Variants in TTC28 observed in about 807,000 individuals in gnomAD.
TTC28 encodes the protein tetratricopeptide repeat protein 28.
TTC28 carries 61 observed loss-of-function variants against 198.0 expected under a neutral mutation model. The ratio of observed to expected loss-of-function variants is 0.31; its 90% confidence interval spans 0.25 to 0.38. The LOEUF (loss-of-function observed/expected upper bound fraction) is 0.38, where lower values mean the gene tolerates loss of function less well. TTC28 is among the 10% of genes least tolerant of loss of function. The pLI is 1.00. For synonymous variants in TTC28, 1,171 were observed against 1,297.8 expected, an observed-to-expected ratio of 0.90 and a Z score of 2.10; for missense variants, 2,678 against 3,164.0, an observed-to-expected ratio of 0.85 and a Z score of 3.69.
chr22:28,149,854 T>C (rs910008817), intron 6 of TTC28, among the ~76,000 whole-genome samples: 8 of 152,222 alleles, frequency 5.3e-5, no homozygotes, highest in East Asian at 1.9e-4. Flanking sequence ...CTGTAGTTAA[T>C]AATGTATATT....
At position 27,981,229 on chromosome 22, in the gene TTC28, A is replaced by ATTTTTTTTTTTTTTTTT. The variant is rs1937001603; in HGVS notation, c.*991_*992insAAAAAAAAAAAAAAAAA. The ATTTTTTTTTTTTTTTTT allele has an allele frequency of 4.1e-5, 3 of 72,686 alleles. 1 individual carries two copies. Among genetic ancestry groups the ATTTTTTTTTTTTTTTTT allele is most frequent in the African/African-American group, 1.5e-4 (3 of 20,420 alleles). The allele number at this position is 72,686 out of a possible 1,614,324, so 4.5% of individuals were successfully genotyped here. On this transcript the variant is annotated 3_prime_UTR_variant, in exon 23 of 23. Transcript: ENST00000397906. ...CTGGTTAAATCTAGTTAGCCATGGA[A>ATTTTTTTTTTTTTTTTT]ATTTTTTTTTTTTTTTTTTTTTTTT... is the stretch of plus-strand genomic sequence containing the variant.
intron 2 of TTC28, among the ~76,000 whole-genome samples, chr22:28,358,449 A>G (rs1449549905): frequency 6.6e-6 from 1 of 152,172 alleles, no homozygotes; most frequent in Non-Finnish European, 1.5e-5. Context: ...TGGGTTTACA[A>G]TTTCTAAATG....
At chr22:28,039,220 C>T (rs368115020) in intron 12 of TTC28, among the ~76,000 whole-genome samples, 9 of 152,224 alleles carry the variant, frequency 5.9e-5, no homozygotes, top group South Asian at 4.1e-4. Flanking sequence ...CACATGCACA[C>T]GTATGTTTAT....
In TTC28 at chr22:28,094,762, T is replaced by C. The variant is rs1601612950; in HGVS notation, c.3767-517A>G. Among the ~76,000 whole-genome samples, 4 of 152,236 alleles carry C rather than the reference T, an allele frequency of 2.6e-5. No homozygotes were observed. The South Asian group carries it at 8.3e-4, about 32-fold the overall frequency. The stretch of plus-strand genomic sequence containing the variant: ...TAAACCATTTTTAAATAAGACTAAC[T>C]GGTCAATGGTCATTAATGAATTAAA... On this transcript the variant is annotated intron_variant, in intron 11 of 22. Transcript: ENST00000397906.
In TTC28 at chr22:28,249,788, C is replaced by T. The variant is rs555843046; in HGVS notation, c.933+46410G>A. On this transcript the variant is annotated intron_variant, in intron 5 of 22. Transcript: ENST00000397906. ...GCAAAATGAGAGGATGGATGTGTTT[C>T]CAGCTCAGGAAACTTAATAAAAATT... Among the ~76,000 whole-genome samples the T allele has an allele frequency of 3.9e-5, 6 of 152,288 alleles. No individual in the cohort carries two copies. In the East Asian group the frequency reaches 1.2e-3, roughly 29 times the overall value.
chr22:28,369,148 C>T (rs1303133306), intron 2 of TTC28, among the ~76,000 whole-genome samples: 2 of 152,018 alleles, frequency 1.3e-5, no homozygotes, highest in African/African-American at 2.4e-5. Context: ...GCAAAAAGAA[C>T]AAAACTGAAG....
intron 5 of TTC28, among the ~76,000 whole-genome samples, chr22:28,217,326 T>C (rs1447271243): frequency 1.3e-5 from 2 of 152,148 alleles, no homozygotes; most frequent in Non-Finnish European, 2.9e-5. Context: ...GAAAAATCTA[T>C]AACTGACCTA....
intron 2 of TTC28, among the ~76,000 whole-genome samples, chr22:28,424,416 T>G (rs1227069285): frequency 6.6e-6 from 1 of 152,164 alleles, no homozygotes. Flanking sequence ...TTCTCAAGAT[T>G]TTTACTACAT....
intron 3 of TTC28, among the ~76,000 whole-genome samples, chr22:28,305,888 T>A (rs964173680): frequency 6.6e-6 from 1 of 152,330 alleles, no homozygotes; most frequent in African/African-American, 2.4e-5. Context: ...TCCATTCTTT[T>A]GTTTGTTCCA....
intron 2 of TTC28, among the ~76,000 whole-genome samples, chr22:28,327,984 A>G (rs2145865755): frequency 6.6e-6 from 1 of 152,344 alleles, no homozygotes; most frequent in African/African-American, 2.4e-5. Flanking sequence ...GAGAAAAGAT[A>G]AACATGGTCC....
At chr22:28,036,835 AT>A (rs1323556195) in intron 12 of TTC28, among the ~76,000 whole-genome samples, 1 of 152,180 alleles carries the variant, frequency 6.6e-6, no homozygotes, top group Non-Finnish European at 1.5e-5. Flanking sequence ...GATAAAGGGG[AT>A]ATCACCACTG....
chr22:28,299,238 C>T (rs1346009522), intron 3 of TTC28, among the ~76,000 whole-genome samples: 1 of 147,184 alleles, frequency 6.8e-6, no homozygotes, highest in East Asian at 1.9e-4. Flanking sequence ...CCACTATGCA[C>T]ATGTAAAAAA....
At chr22:28,672,221 A>C (rs1202899528) in intron 1 of TTC28, among the ~76,000 whole-genome samples, 4 of 151,970 alleles carry the variant, frequency 2.6e-5, no homozygotes, top group Non-Finnish European at 5.9e-5. Flanking sequence ...TCTCTCGCCC[A>C]GGCTGGAGGC....
rs1233511977 is a variant in TTC28 at position 28,037,469 on chromosome 22, C to G, written c.3933-7103G>C. Among the ~76,000 whole-genome samples the G allele has an allele frequency of 5.9e-5, 9 of 152,136 alleles. No individual in the cohort carries two copies. The South Asian group carries it at 8.3e-4, about 14-fold the overall frequency. ...AAGGCCTTTGGCAAAATTCAACAAC[C>G]CTTCATGCTAAAAACTCTCAATAAA... On this transcript the variant is annotated intron_variant, in intron 12 of 22. Transcript: ENST00000397906.
At chr22:28,551,002 G>A (rs1260435535) in intron 2 of TTC28, among the ~76,000 whole-genome samples, 1 of 151,970 alleles carries the variant, frequency 6.6e-6, no homozygotes, top group African/African-American at 2.4e-5. Context: ...AGTTTAACAG[G>A]AAAATATCAC....
At chr22:28,243,871 CA>C (rs1466063974) in intron 5 of TTC28, among the ~76,000 whole-genome samples, 4 of 152,122 alleles carry the variant, frequency 2.6e-5, no homozygotes, top group Non-Finnish European at 4.4e-5. Context: ...ATTCATTCAA[CA>C]AATATGTACT....
chr22:28,402,431 A>G (rs555682090), intron 2 of TTC28, among the ~76,000 whole-genome samples: 2 of 152,360 alleles, frequency 1.3e-5, no homozygotes, highest in African/African-American at 4.8e-5. Flanking sequence ...AATCACCCCC[A>G]GAGAGTTAGT....
chr22:28,328,760 AAT>A (rs2045570868), intron 2 of TTC28, among the ~76,000 whole-genome samples: 1 of 1,790 alleles, frequency 5.6e-4, no homozygotes, highest in Non-Finnish European at 1.4e-3. Flanking sequence ...TCTCAAAAAT[AAT>A]AATAATAATA....
At position 28,005,778 on chromosome 22, in the gene TTC28, G is replaced by A. The variant is rs1196389166; in HGVS notation, c.4219-4225C>T. 1.3e-5 allele frequency among the ~76,000 whole-genome samples: 2 copies of A among 152,180 alleles called. No individual in the cohort carries two copies. Among genetic ancestry groups the A allele is most frequent in the African/African-American group, 4.8e-5 (2 of 41,446 alleles). The stretch of plus-strand genomic sequence containing the variant: ...GGCTGCTCTCCTGCCCACACTCAGG[G>A]GGCTAGCGCTTGCCAGCAACTCCAG... On this transcript the variant is annotated intron_variant, in intron 14 of 22. Transcript: ENST00000397906. This position sits in a 1 kb window ranked among gnomAD's most constrained non-coding sequence, Gnocchi z 4.9.
Sources: gnomAD v4.1 joint callset for allele counts (sites outside exome capture counted in the v4.1 genomes callset) on GRCh38, gnomAD v4.1.1 for gene constraint, Gnocchi (gnomAD v3.1) non-coding constraint, MANE v1.5 for transcripts, NCBI Gene and HGNC (gene_info 2026-07-23, HGNC 2026-07-21) for gene names.